PTPRQ: variants seen among roughly 807,000 people sequenced by gnomAD.
PTPRQ encodes the protein phosphatidylinositol phosphatase PTPRQ.
A neutral mutation model predicts 246.0 loss-of-function variants in PTPRQ; 199 were observed. That is an observed-to-expected ratio of 0.81 (90% CI 0.72 to 0.91). The LOEUF (loss-of-function observed/expected upper bound fraction) is 0.91. Ranked by LOEUF, PTPRQ falls within the 40% of genes least tolerant of loss-of-function variation. The pLI is 0.00. For synonymous variants in PTPRQ, 869 were observed against 853.2 expected, an observed-to-expected ratio of 1.02 and a Z score of -0.32; for missense variants, 2,624 against 2,528.4, an observed-to-expected ratio of 1.04 and a Z score of -0.81.
intron 38 of PTPRQ, among the ~76,000 whole-genome samples, chr12:80,656,944 T>G (rs1353308146): frequency 1.3e-5 from 2 of 148,456 alleles, no homozygotes; most frequent in African/African-American, 2.4e-5. Context: ...ATCCATGAAA[T>G]TTTCAGAAGA....
chr12:80,514,402 A>ACACTCT (rs552667526), intron 17 of PTPRQ, among the ~76,000 whole-genome samples: 82 of 113,016 alleles, frequency 7.3e-4, no homozygotes, highest in Middle Eastern at 4.5e-3. Context: ...ACACACACAC[A>ACACTCT]CTCTCTCTCT....
chr12:80,525,532 C>T (rs542429163), intron 17 of PTPRQ, among the ~76,000 whole-genome samples: 1 of 152,006 alleles, frequency 6.6e-6, no homozygotes, highest in East Asian at 1.9e-4. Context: ...AATTTTCTTG[C>T]GAGTGCAGCG....
At chr12:80,470,331 TA>T (rs1257382864) in intron 7 of PTPRQ, among the ~76,000 whole-genome samples, 1 of 152,008 alleles carries the variant, frequency 6.6e-6, no homozygotes, top group Non-Finnish European at 1.5e-5. Context: ...TAGATGCTGG[TA>T]AATATATAGT....
At chr12:80,552,205 ATC>A (rs1256249960) in intron 25 of PTPRQ, among the ~76,000 whole-genome samples, 1 of 152,070 alleles carries the variant, frequency 6.6e-6, no homozygotes, top group Admixed American at 6.6e-5. Flanking sequence ...AGAAAGGTCC[ATC>A]AAGGGGTGAC....
chr12:80,447,055 C>A (rs1248607433), intron 3 of PTPRQ, among the ~76,000 whole-genome samples: 4 of 151,974 alleles, frequency 2.6e-5, no homozygotes, highest in Non-Finnish European at 4.4e-5. Context: ...TTCTCTGCAT[C>A]CACACTGCCA....
At chr12:80,661,075 CT>C (rs1388708429) in intron 39 of PTPRQ, among the ~76,000 whole-genome samples, 2 of 151,714 alleles carry the variant, frequency 1.3e-5, no homozygotes, top group East Asian at 3.9e-4. Context: ...TTGAGGACCC[CT>C]AAAACACATA....
intron 9 of PTPRQ, among the ~76,000 whole-genome samples, chr12:80,489,154 A>G (rs1894368928): frequency 6.6e-6 from 1 of 152,058 alleles, no homozygotes; most frequent in African/African-American, 2.4e-5. Context: ...TAGATGAATA[A>G]GAAACTACGG....
At chr12:80,537,995 G>C (rs1896039420) in intron 19 of PTPRQ, among the ~76,000 whole-genome samples, 1 of 152,100 alleles carries the variant, frequency 6.6e-6, no homozygotes, top group Admixed American at 6.6e-5. Flanking sequence ...TGTAGTCCCA[G>C]GTACTCAGGA....
intron 35 of PTPRQ, among the ~76,000 whole-genome samples, chr12:80,646,617 G>A (rs1227527106): frequency 1.3e-5 from 2 of 152,164 alleles, no homozygotes; most frequent in African/African-American, 4.8e-5. Flanking sequence ...GCAGGTCCTT[G>A]TAGTAGGAAA....
At chr12:80,498,267 G>C (rs993251561) in intron 14 of PTPRQ, among the ~76,000 whole-genome samples, 2 of 151,934 alleles carry the variant, frequency 1.3e-5, no homozygotes, top group African/African-American at 2.4e-5. Flanking sequence ...ACCTATTAAG[G>C]GTCACGGGCC....
chr12:80,569,105 T>C (rs1419636115), intron 25 of PTPRQ, among the ~76,000 whole-genome samples: 1 of 151,700 alleles, frequency 6.6e-6, no homozygotes, highest in East Asian at 1.9e-4. Context: ...TTATAGGAGT[T>C]CTTTATACAT....
chr12:80,638,303 C>T (rs946195633), intron 35 of PTPRQ, among the ~76,000 whole-genome samples: 6 of 151,350 alleles, frequency 4.0e-5, no homozygotes, highest in Non-Finnish European at 2.9e-5. Flanking sequence ...AGCTAACATA[C>T]GCTCTCTCTA....
chr12:80,521,337 C>T (rs1322891611), intron 17 of PTPRQ, among the ~76,000 whole-genome samples: 1 of 152,100 alleles, frequency 6.6e-6, no homozygotes, highest in Non-Finnish European at 1.5e-5. Flanking sequence ...ATGGTAGTTT[C>T]TTTTGCTGTG....
intron 39 of PTPRQ, among the ~76,000 whole-genome samples, chr12:80,663,097 G>C (rs1026151711): frequency 6.6e-6 from 1 of 151,672 alleles, no homozygotes; most frequent in African/African-American, 2.4e-5. Context: ...ATCAAGGGGG[G>C]AAATGTGACC....
At chr12:80,573,368 G>A (rs4403866) in intron 25 of PTPRQ, among the ~76,000 whole-genome samples, 134,924 of 151,884 alleles carry the variant, frequency 0.89, 60,162 homozygotes, top group African/African-American at 0.97. Flanking sequence ...GGGCGCCTGT[G>A]GTCCCAGCTA....
intron 17 of PTPRQ, among the ~76,000 whole-genome samples, chr12:80,524,694 G>A (rs899838779): frequency 1.3e-5 from 2 of 151,934 alleles, no homozygotes; most frequent in Admixed American, 1.3e-4. Flanking sequence ...TGAGACAAAT[G>A]TTTCTTACAT....
chr12:80,532,630 C>A (rs1169822602), intron 17 of PTPRQ, among the ~76,000 whole-genome samples: 9 of 152,146 alleles, frequency 5.9e-5, no homozygotes, highest in African/African-American at 2.2e-4. Flanking sequence ...GAAAAGGCAT[C>A]TTTTCTGGCG....
intron 17 of PTPRQ, among the ~76,000 whole-genome samples, chr12:80,523,087 C>T (rs1365405737): frequency 6.6e-6 from 1 of 152,080 alleles, no homozygotes; most frequent in African/African-American, 2.4e-5. Flanking sequence ...CTGGTTTAGT[C>T]TTGGGAGGGT....
chr12:80,486,509 G>C (rs1264872541), intron 9 of PTPRQ, among the ~76,000 whole-genome samples: 1 of 152,118 alleles, frequency 6.6e-6, no homozygotes, highest in Non-Finnish European at 1.5e-5. Flanking sequence ...ACTCTGCCGT[G>C]TTCTAGGTCT....
Sources: gnomAD v4.1 joint callset for allele counts (sites outside exome capture counted in the v4.1 genomes callset) on GRCh38, gnomAD v4.1.1 for gene constraint, MANE v1.5 for transcripts, NCBI Gene and HGNC (gene_info 2026-07-23, HGNC 2026-07-21) for gene names.